The following TASOR2 variants were observed in gnomAD, a reference collection of about 807,000 sequenced individuals.
TASOR2 encodes the protein transcription activation suppressor family member 2.
In TASOR2, 84 loss-of-function variants were observed where a neutral mutation model predicts 199.5. That is an observed-to-expected ratio of 0.42 (90% CI 0.35 to 0.50). The LOEUF is 0.50. Ranked by LOEUF, TASOR2 falls within the 20% of genes least tolerant of loss-of-function variation. The probability of loss-of-function intolerance (pLI) is 0.02; values close to 1 mark genes in which losing one functional copy is unlikely to be tolerated. For synonymous variants in TASOR2, 1,103 were observed against 1,046.6 expected (o/e 1.05, Z -1.04); for missense variants, 2,796 against 2,835.9 (o/e 0.99, Z 0.32).
rs1399705206 is a variant in TASOR2 at position 5,706,269 on chromosome 10, G to A, written c.-287-6554G>A. 2.6e-5 allele frequency among the ~76,000 whole-genome samples: 4 copies of A among 152,128 alleles called. No homozygotes were observed. The highest frequency in any genetic ancestry group is 5.9e-5 in the Non-Finnish European group (4 of 68,022). ...AGCTTTGTAGTAATTCTCAAAATCA[G>A]GTAGTGAGTCCTTCAGCTTTGTTCT... On this transcript the variant is annotated intron_variant, in intron 1 of 20. Coordinates refer to ENST00000328090, the Ensembl canonical transcript of TASOR2. This position sits in a 1 kb window ranked among gnomAD's most constrained non-coding sequence, Gnocchi z 4.8.
rs1836302981 is a variant in TASOR2 at position 5,690,524 on chromosome 10, T to C, written c.-288+5349T>C. Among the ~76,000 whole-genome samples the C allele has an allele frequency of 6.6e-6, 1 of 152,232 alleles. No individual in the cohort carries two copies. The highest frequency in any genetic ancestry group is 6.5e-5 in the Admixed American group (1 of 15,286). ...CTATTTATCTGTGCCCAGGACATTT[T>C]GCGTGGGCTACGTGTAGAGGTGGTG... On this transcript the variant is annotated intron_variant, in intron 1 of 20. Transcript: ENST00000328090. This position sits in a 1 kb window ranked among gnomAD's most constrained non-coding sequence, Gnocchi z 4.8.
intron 11 of TASOR2, among the ~76,000 whole-genome samples, chr10:5,731,842 A>G (rs1834864745): frequency 6.6e-6 from 1 of 152,234 alleles, no homozygotes; most frequent in Admixed American, 6.5e-5. Flanking sequence ...AAATGGAGGT[A>G]GAAAAGGTTC....
At chr10:5,757,383 G>A (rs1256220635) in intron 16 of TASOR2, 137 bp from the exon 18 acceptor site, 1 of 829,312 alleles carries the variant, frequency 1.2e-6, no homozygotes, top group Non-Finnish European at 1.9e-6. Flanking sequence ...AGGGCAGAAT[G>A]ACCAGTCGGT....
In TASOR2 at chr10:5,742,451, G is replaced by GA. The variant is rs1564335199; in HGVS notation, c.2689dup (p.Thr897AsnfsTer7). On this transcript the variant is annotated frameshift_variant, in exon 14 of 21. Coordinates refer to ENST00000328090, the Ensembl canonical transcript of TASOR2. LOFTEE classifies it high-confidence loss of function. This position sits in a 1 kb window ranked among gnomAD's most constrained non-coding sequence, Gnocchi z 4.2. ...TGGAACTCTGTGTACAAAATGAACAGAAAAAAACTTTTGCAAGAGAGTGTG... is the reference window on the plus strand; with the variant it reads ...TGGAACTCTGTGTACAAAATGAACAGAAAAAAAACTTTTGCAAGAGAGTGTG... The GA allele has an allele frequency of 2.5e-6, 4 of 1,613,618 alleles. No homozygotes were observed. The highest frequency in any genetic ancestry group is 2.2e-5 in the East Asian group (1 of 44,882).
chr10:5,761,051 A>C (rs1324098448), intron 18 of TASOR2: 3 of 382,200 alleles, frequency 7.8e-6, no homozygotes, highest in African/African-American at 6.2e-5. Context: ...ACATGGCTTG[A>C]TTGGTCGTAG....
chr10:5,705,548 A>G (rs1229868534), intron 1 of TASOR2, among the ~76,000 whole-genome samples: 1 of 152,092 alleles, frequency 6.6e-6, no homozygotes, highest in Non-Finnish European at 1.5e-5. Context: ...TAAGAAACTG[A>G]TGTTATTTTT....
At chr10:5,733,042 T>A (rs1373639132) in intron 11 of TASOR2, among the ~76,000 whole-genome samples, 1 of 152,228 alleles carries the variant, frequency 6.6e-6, no homozygotes, top group Non-Finnish European at 1.5e-5. Context: ...GAATCAGTTA[T>A]CTATAACTCA....
chr10:5,707,529 C>T (rs1266344141), intron 1 of TASOR2, among the ~76,000 whole-genome samples: 1 of 152,130 alleles, frequency 6.6e-6, no homozygotes, highest in Non-Finnish European at 1.5e-5. Flanking sequence ...AGAACTCTCT[C>T]TGTAGACTTC....
Position 5,737,977 on chromosome 10 carries a change from C to A in TASOR2, c.1448-1641C>A, listed in dbSNP as rs1835859353. Among the ~76,000 whole-genome samples, 1 of 152,160 alleles carries A rather than the reference C, an allele frequency of 6.6e-6. No homozygotes were observed. Among genetic ancestry groups the A allele is most frequent in the Non-Finnish European group, 1.5e-5 (1 of 68,028 alleles). On this transcript the variant is annotated intron_variant, in intron 12 of 20. Coordinates refer to ENST00000328090, the Ensembl canonical transcript of TASOR2. This position sits in a 1 kb window ranked among gnomAD's most constrained non-coding sequence, Gnocchi z 4.9. ...CATTTTTGAATGACTACATTTAAATCTCTGAATTTTTTTCTTAAGCACCTA... is the reference window on the plus strand; with the variant it reads ...CATTTTTGAATGACTACATTTAAATATCTGAATTTTTTTCTTAAGCACCTA...
chr10:5,692,810 C>T (rs1836614823), intron 1 of TASOR2: 1 of 152,350 alleles, frequency 6.6e-6, no homozygotes, highest in East Asian at 1.9e-4. Flanking sequence ...GCTCAGCACG[C>T]CCTGCGCGGA....
intron 1 of TASOR2, among the ~76,000 whole-genome samples, chr10:5,696,681 T>TTAAA (rs1837197136): frequency 6.6e-6 from 1 of 152,064 alleles, no homozygotes; most frequent in East Asian, 1.9e-4. Flanking sequence ...TGCCTCACAT[T>TTAAA]TGAGTATAAA....
At chr10:5,756,956 G>GGT (rs2131651741) in intron 16 of TASOR2, among the ~76,000 whole-genome samples, 1 of 152,338 alleles carries the variant, frequency 6.6e-6, no homozygotes, top group East Asian at 1.9e-4. Context: ...GGGAGACTTA[G>GGT]GTGAGAGGTT....
At chr10:5,702,083 T>A (rs906704961) in intron 1 of TASOR2, among the ~76,000 whole-genome samples, 1 of 152,200 alleles carries the variant, frequency 6.6e-6, no homozygotes, top group Non-Finnish European at 1.5e-5. Context: ...AGGATGATGT[T>A]TGCTATTGGT....
intron 1 of TASOR2, among the ~76,000 whole-genome samples, chr10:5,709,072 T>C (rs1196287611): frequency 6.6e-6 from 1 of 152,142 alleles, no homozygotes; most frequent in Non-Finnish European, 1.5e-5. Context: ...TCTTGATAAA[T>C]CCAAGATTTA....
intron 2 of TASOR2, among the ~76,000 whole-genome samples, chr10:5,713,243 T>C (rs1321609208): frequency 6.6e-6 from 1 of 152,210 alleles, no homozygotes; most frequent in Non-Finnish European, 1.5e-5. Flanking sequence ...TATCGTTTAA[T>C]CGAAACTTTG....
In TASOR2 at chr10:5,740,146, TC is replaced by T; in HGVS notation, c.1978del (p.Thr661GlnfsTer14). On this transcript the variant is annotated frameshift_variant, in exon 13 of 21. Transcript: ENST00000328090. LOFTEE classifies it high-confidence loss of function. The surrounding 1 kb of genome is among the most constrained non-coding windows in gnomAD (Gnocchi z 5.3). The stretch of plus-strand genomic sequence containing the variant: ...TCTGTGGAACATTCATATGCCCTGC[TC>T]CTTACAGAACATTCAAAGAAACATC... 6.2e-7 allele frequency: 1 copy of T among 1,614,178 alleles called. No homozygotes were observed. Among genetic ancestry groups the T allele is most frequent in the Non-Finnish European group, 8.5e-7 (1 of 1,180,040 alleles).
rs1445386548 is a variant in TASOR2, at chr10:5,754,490, A to G, written c.6607-2123A>G. 2.0e-5 allele frequency among the ~76,000 whole-genome samples: 3 copies of G among 151,798 alleles called. No individual in the cohort carries two copies. Among genetic ancestry groups the G allele is most frequent in the African/African-American group, 7.3e-5 (3 of 41,292 alleles). The stretch of plus-strand genomic sequence containing the variant: ...CTGCAGCCTCCGTCTTCTGGTTTCA[A>G]GTGATTCTCCTGCCTCACCTTCTCG... On this transcript the variant is annotated intron_variant, in intron 15 of 20. Transcript: ENST00000328090. This position sits in a 1 kb window ranked among gnomAD's most constrained non-coding sequence, Gnocchi z 4.3.
At chr10:5,760,708 G>A (rs1008292207) in intron 18 of TASOR2, 1 of 152,194 alleles carries the variant, frequency 6.6e-6, no homozygotes, top group Non-Finnish European at 1.5e-5. Context: ...ATTAATTCAT[G>A]ATGTTAAGAG....
rs936029646 is a variant in TASOR2, at chr10:5,730,751, A to G, written c.752A>G (p.Lys251Arg). The change falls in exon 11 of 21, where the codon AAG (lysine) becomes AGG (arginine). Residue 251 changes from lysine (K) to arginine (R), a missense_variant. Coordinates refer to ENST00000328090, the Ensembl canonical transcript of TASOR2. This position sits in a 1 kb window ranked among gnomAD's most constrained non-coding sequence, Gnocchi z 4.1. ...TTTGACTTGATTCCTCCAGCTGAAA[A>G]GTGCCCTTCAGAGTCTTTAACTCAG... 1 of 1,614,212 alleles carries G rather than the reference A, an allele frequency of 6.2e-7. No homozygotes were observed. The highest frequency in any genetic ancestry group is 8.5e-7 in the Non-Finnish European group (1 of 1,180,040).
Sources: gnomAD v4.1 joint callset for allele counts (sites outside exome capture counted in the v4.1 genomes callset) on GRCh38, gnomAD v4.1.1 for gene constraint, Gnocchi (gnomAD v3.1) non-coding constraint, MANE v1.5 for transcripts, NCBI Gene and HGNC (gene_info 2026-07-23, HGNC 2026-07-21) for gene names.